DMXL1: variants seen among roughly 807,000 people sequenced by gnomAD.
The protein encoded by DMXL1 is dmX-like protein 1.
DMXL1 carries 99 observed loss-of-function variants against 319.2 expected under a neutral mutation model. The observed-to-expected ratio is 0.31, with a 90% CI of 0.26 to 0.37. The LOEUF (loss-of-function observed/expected upper bound fraction) is 0.37, where lower values mean the gene tolerates loss of function less well. Ranked by LOEUF, DMXL1 falls within the 10% of genes least tolerant of loss-of-function variation. The pLI, the probability that DMXL1 is intolerant of heterozygous loss-of-function variation, is 1.00. For missense variants in DMXL1, 3,745 were observed against 3,595.6 expected (o/e 1.04, Z -1.06); for synonymous variants, 1,385 against 1,235.2 (o/e 1.12, Z -2.54).
intron 9 of DMXL1, among the ~76,000 whole-genome samples, chr5:119,124,720 C>T (rs574206063): frequency 6.9e-4 from 105 of 152,034 alleles, no homozygotes; most frequent in African/African-American, 2.4e-3. Flanking sequence ...CATGAGCCAC[C>T]ATGCCTGGCT....
intron 39 of DMXL1, among the ~76,000 whole-genome samples, chr5:119,234,910 G>A (rs1006814019): frequency 3.3e-5 from 5 of 152,044 alleles, no homozygotes; most frequent in Admixed American, 2.0e-4. Flanking sequence ...CTTCTATAAT[G>A]TGACTATTTT....
At chr5:119,234,110 C>T (rs1787272260) in intron 39 of DMXL1, among the ~76,000 whole-genome samples, 1 of 152,070 alleles carries the variant, frequency 6.6e-6, no homozygotes, top group African/African-American at 2.4e-5. Flanking sequence ...AAAAAGTTTG[C>T]CAGACCTGCT....
At chr5:119,239,418 T>C (rs1437910360) in intron 41 of DMXL1, among the ~76,000 whole-genome samples, 2 of 152,176 alleles carry the variant, frequency 1.3e-5, no homozygotes, top group Non-Finnish European at 2.9e-5. Context: ...TATAGATTCT[T>C]CAGCTCGTCT....
intron 9 of DMXL1, among the ~76,000 whole-genome samples, chr5:119,123,192 A>T (rs964804605): frequency 6.6e-6 from 1 of 152,042 alleles, no homozygotes; most frequent in Admixed American, 6.5e-5. Context: ...AATCGCAGGC[A>T]CTCGGCAGGC....
In DMXL1 at chr5:119,149,554, C is replaced by G. The variant is rs1483771771; in HGVS notation, c.3727C>G (p.Pro1243Ala). Residue 1243 changes from proline to alanine, a missense_variant, in exon 18 of 44, where the codon CCA becomes GCA. Pro to Ala is a conservative substitution (Grantham distance 27, BLOSUM62 -1). Coordinates refer to ENST00000539542, the MANE Select transcript of DMXL1 (RefSeq NM_001290321.3). ...CEMHVYCQWQ[P>A]SSKQEPVITD... ...AATGCATGTGTATTGCCAATGGCAA[C>G]CATCTTCTAAACAAGAACCTGTTAT... The G allele has an allele frequency of 1.2e-6, 2 of 1,613,806 alleles. No individual in the cohort carries two copies.
In DMXL1 at chr5:119,140,535, T is replaced by C. The variant is rs138174661; in HGVS notation, c.2377-3306T>C. On this transcript the variant is annotated intron_variant, in intron 13 of 43. Transcript: ENST00000539542. ...AGGGATGGATAAATTCCTGGACATATACCCCCTCCTAAGACTGAACCAGGA... is the reference window on the plus strand; with the variant it reads ...AGGGATGGATAAATTCCTGGACATACACCCCCTCCTAAGACTGAACCAGGA... Among the ~76,000 whole-genome samples, 263 of 152,232 alleles carry C rather than the reference T, an allele frequency of 1.7e-3. 1 individual carries two copies. Among genetic ancestry groups the C allele is most frequent in the African/African-American group, 6.0e-3 (248 of 41,560 alleles).
intron 34 of DMXL1, among the ~76,000 whole-genome samples, chr5:119,212,532 A>T (rs1439953299): frequency 1.3e-5 from 2 of 152,164 alleles, no homozygotes; most frequent in African/African-American, 4.8e-5. Flanking sequence ...AAATATCTGA[A>T]TCTCTGCTTT....
intron 2 of DMXL1, among the ~76,000 whole-genome samples, chr5:119,098,423 A>ATAAAC (rs1259896994): frequency 7.3e-5 from 11 of 149,800 alleles, no homozygotes; most frequent in Non-Finnish European, 1.5e-4. Flanking sequence ...ATATTTACAA[A>ATAAAC]TAAACTAAAG....
chr5:119,229,309 G>A (rs1786213083), intron 38 of DMXL1, among the ~76,000 whole-genome samples: 1 of 152,032 alleles, frequency 6.6e-6, no homozygotes, highest in African/African-American at 2.4e-5. Flanking sequence ...ACAAAATCTC[G>A]ATTTTGTGGT....
At chr5:119,184,316 A>G (rs1304526006) in intron 28 of DMXL1, among the ~76,000 whole-genome samples, 1 of 152,060 alleles carries the variant, frequency 6.6e-6, no homozygotes, top group Non-Finnish European at 1.5e-5. Context: ...TTCCCACCTC[A>G]GCCTCCCAAA....
intron 9 of DMXL1, among the ~76,000 whole-genome samples, chr5:119,121,514 T>G (rs1227819185): frequency 6.6e-6 from 1 of 152,006 alleles, no homozygotes; most frequent in African/African-American, 2.4e-5. Flanking sequence ...AGGCATCTGT[T>G]TAACAAAGCA....
chr5:119,242,414 AAAT>A (rs750437116), intron 42 of DMXL1, among the ~76,000 whole-genome samples: 16 of 152,232 alleles, frequency 1.1e-4, no homozygotes, highest in Non-Finnish European at 2.1e-4. Flanking sequence ...AAATCTAACA[AAAT>A]ATGTACAGGG....
chr5:119,207,367 T>C (rs1421750830), intron 34 of DMXL1, among the ~76,000 whole-genome samples: 1 of 152,118 alleles, frequency 6.6e-6, no homozygotes, highest in Non-Finnish European at 1.5e-5. Context: ...ATAGCATTTA[T>C]TTTACTGGTA....
Position 119,157,296 on chromosome 5 carries a change from A to T in DMXL1, c.4702+5260A>T, listed in dbSNP as rs143495855. Among the ~76,000 whole-genome samples the T allele has an allele frequency of 8.6e-3, 1,315 of 152,276 alleles. 15 individuals are homozygous for T. Among genetic ancestry groups the T allele is most frequent in the South Asian group, 0.026 (127 of 4,826 alleles). On this transcript the variant is annotated intron_variant, in intron 19 of 43. Coordinates refer to ENST00000539542, the MANE Select transcript of DMXL1 (RefSeq NM_001290321.3). ...CTTTTCTCTTCACTCTGCTAATTGT[A>T]TTCTTTGCTATGCAGACATTTTCAG...
chr5:119,147,377 A>G lies in DMXL1; in HGVS notation c.2818A>G (p.Thr940Ala), dbSNP rs746699768. Residue 940 changes from threonine (T) to alanine (A), a missense_variant, in exon 17 of 44, where the codon ACC (threonine) becomes GCC (alanine). Physicochemically the swap from Thr to Ala is moderately conservative, Grantham distance 58 (BLOSUM62 0). Coordinates refer to ENST00000539542, the MANE Select transcript of DMXL1 (RefSeq NM_001290321.3). Reference protein sequence around the residue: ...YQACRANLQSTSRLTLFSEMV... With the variant: ...YQACRANLQSASRLTLFSEMV... ...GGCTTGCAGAGCAAATCTCCAGAGT[A>G]CCAGCAGGTTGACTCTGTTTTCAGA... 7.3e-5 allele frequency: 117 copies of G among 1,613,340 alleles called. No homozygotes were observed. Among genetic ancestry groups the G allele is most frequent in the Non-Finnish European group, 9.5e-5 (112 of 1,179,578 alleles).
intron 19 of DMXL1, among the ~76,000 whole-genome samples, chr5:119,160,647 C>T (rs1772080671): frequency 1.3e-5 from 2 of 152,060 alleles, no homozygotes; most frequent in Admixed American, 1.3e-4. Flanking sequence ...TGTAATCTAT[C>T]TCTCCCTTTA....
intron 5 of DMXL1, among the ~76,000 whole-genome samples, chr5:119,112,639 G>A (rs1198386634): frequency 1.3e-5 from 2 of 152,130 alleles, no homozygotes; most frequent in African/African-American, 4.8e-5. Flanking sequence ...AAAGGGAACA[G>A]AATTTTGCAT....
rs759353166 is a variant in DMXL1, at chr5:119,133,531, C to A, written c.1607C>A (p.Thr536Lys). 3.7e-6 allele frequency: 6 copies of A among 1,612,248 alleles called. No homozygotes were observed. Among genetic ancestry groups the A allele is most frequent in the Admixed American group, 3.4e-5 (2 of 59,698 alleles). Reference sequence around the variant, plus strand: ...TCCAGAATTCCAGTAGCTTTCCCCACAGGTGATGCAAACTCTCTCTGTAAA... The same window carrying A: ...TCCAGAATTCCAGTAGCTTTCCCCAAAGGTGATGCAAACTCTCTCTGTAAA... ...FVSRIPVAFP[T>K]GDANSLCKSI... The change falls in exon 12 of 44, where the codon ACA becomes AAA. Residue 536 changes from threonine (T) to lysine (K), a missense_variant. Thr to Lys is a moderately conservative substitution (Grantham distance 78, BLOSUM62 -1). This residue lies in a region of DMXL1 where 2,096 missense variants were observed against 1,985.4 expected (regional missense o/e 1.06). Transcript: ENST00000539542.
At chr5:119,087,508 T>G (rs1387072724) in intron 1 of DMXL1, among the ~76,000 whole-genome samples, 1 of 152,236 alleles carries the variant, frequency 6.6e-6, no homozygotes, top group Non-Finnish European at 1.5e-5. Flanking sequence ...TCCATTGTAG[T>G]GAGAAAAGGT....
Sources: allele counts gnomAD v4.1 joint callset (sites outside exome capture counted in the v4.1 genomes callset), GRCh38; gene constraint gnomAD v4.1.1; regional missense constraint gnomAD v4.1.1; transcripts MANE v1.5; gene names NCBI Gene and HGNC (gene_info 2026-07-23, HGNC 2026-07-21).